The following ZNF248 variants were observed in gnomAD, a reference collection of about 807,000 sequenced individuals.
ZNF248 encodes the protein KRAB protein domain.
ZNF248 carries 20 observed loss-of-function variants against 44.3 expected under a neutral mutation model. The ratio of observed to expected loss-of-function variants is 0.45; its 90% confidence interval spans 0.32 to 0.66. The LOEUF (loss-of-function observed/expected upper bound fraction) is 0.66, where lower values mean the gene tolerates loss of function less well. ZNF248 is among the 30% of genes least tolerant of loss of function. The probability of loss-of-function intolerance (pLI) is 0.04; values close to 1 mark genes in which losing one functional copy is unlikely to be tolerated. For missense variants in ZNF248, 654 were observed against 677.0 expected (o/e 0.97, Z 0.38); for synonymous variants, 224 against 229.0 (o/e 0.98, Z 0.20).
chr10:37,853,125 G>A (rs1208665), intron 3 of ZNF248, among the ~76,000 whole-genome samples: 10,091 of 152,166 alleles, frequency 0.066, 388 homozygotes, highest in Middle Eastern at 0.099. Context: ...ATTTACAGGC[G>A]TGAGCCACCG....
intron 3 of ZNF248, among the ~76,000 whole-genome samples, chr10:37,843,158 T>C (rs1444324957): frequency 6.6e-6 from 1 of 152,118 alleles, no homozygotes; most frequent in Non-Finnish European, 1.5e-5. Context: ...AAAAATAGCA[T>C]ATGGCCGAGC....
At chr10:37,766,625 A>T in the ZNF248 span, among the ~76,000 whole-genome samples, 3 of 152,212 alleles carry the variant, frequency 2.0e-5, no homozygotes, top group Admixed American at 2.0e-4. Flanking sequence ...ACCCTTCTGT[A>T]TGTCACCATC....
At chr10:37,791,476 C>T (rs967421990) in intron 6 of ZNF248, 2 of 152,138 alleles carry the variant, frequency 1.3e-5, no homozygotes, top group African/African-American at 4.8e-5. Flanking sequence ...TTCAGGTATA[C>T]TCTTTTGTAT....
intron 3 of ZNF248, among the ~76,000 whole-genome samples, chr10:37,852,106 G>T (rs751177291): frequency 3.1e-4 from 47 of 152,166 alleles, no homozygotes; most frequent in Admixed American, 8.5e-4. Flanking sequence ...AATTAGCCGG[G>T]CGTGGTGGTG....
intron 5 of ZNF248, among the ~76,000 whole-genome samples, chr10:37,837,214 C>T (rs2057395151): frequency 6.6e-6 from 1 of 152,040 alleles, no homozygotes; most frequent in African/African-American, 2.4e-5. Flanking sequence ...CCCAGGTTCA[C>T]ATGGTTCTCC....
downstream of ZNF248, among the ~76,000 whole-genome samples, chr10:37,771,954 C>G (rs538503053): frequency 6.6e-6 from 1 of 152,060 alleles, no homozygotes; most frequent in Non-Finnish European, 1.5e-5. Flanking sequence ...ACCCCTAAGA[C>G]ATTTTGCAAA....
At chr10:37,780,511 C>T (rs1003060609) in intron 6 of ZNF248, among the ~76,000 whole-genome samples, 1 of 148,764 alleles carries the variant, frequency 6.7e-6, no homozygotes, top group East Asian at 2.1e-4. Context: ...ATACAAAAAT[C>T]AATTCAAGAT....
the ZNF248 span, among the ~76,000 whole-genome samples, chr10:37,766,425 T>C: frequency 1.3e-5 from 2 of 152,088 alleles, no homozygotes; most frequent in African/African-American, 2.4e-5. Flanking sequence ...AGAGGAACGA[T>C]CAGGCAGCAG....
At chr10:37,810,007 G>A (rs1489546082) in intron 6 of ZNF248, among the ~76,000 whole-genome samples, 1 of 152,196 alleles carries the variant, frequency 6.6e-6, no homozygotes, top group Admixed American at 6.5e-5. Context: ...TAGGTATTCT[G>A]TAGTAGTTGT....
chr10:37,806,459 T>C lies in ZNF248; in HGVS notation c.330+26566A>G, dbSNP rs553278338. Among the ~76,000 whole-genome samples the C allele has an allele frequency of 1.2e-4, 19 of 152,232 alleles. No homozygotes were observed. In the South Asian group the frequency reaches 3.9e-3, roughly 32 times the overall value. ...CCATTGAGGATTAGGTGGTATCTCA[T>C]TGTGGTTTTAATTTGCATTTCCTTA... On this transcript the variant is annotated intron_variant, in intron 6 of 6. Transcript: ENST00000615949.
chr10:37,826,937 C>T (rs1231815293), downstream of ZNF248, among the ~76,000 whole-genome samples: 2 of 152,080 alleles, frequency 1.3e-5, no homozygotes, highest in East Asian at 3.9e-4. Flanking sequence ...TGGAAAAAGG[C>T]CCAGACAGAA....
chr10:37,837,283 T>C (rs2057414439), intron 5 of ZNF248, among the ~76,000 whole-genome samples: 1 of 151,898 alleles, frequency 6.6e-6, no homozygotes, highest in South Asian at 2.1e-4. Context: ...CCAGCTAATT[T>C]TTCATATTTT....
At chr10:37,778,013 T>C (rs1408285248) in intron 6 of ZNF248, among the ~76,000 whole-genome samples, 1 of 152,100 alleles carries the variant, frequency 6.6e-6, no homozygotes, top group Admixed American at 6.5e-5. Flanking sequence ...CATGTGTCTT[T>C]ATAGCAGCAT....
chr10:37,792,725 T>G (rs148889426), intron 6 of ZNF248, among the ~76,000 whole-genome samples: 36 of 152,238 alleles, frequency 2.4e-4, no homozygotes, highest in African/African-American at 8.2e-4. Context: ...AAGAAAACAT[T>G]AGGCAGTCAC....
In ZNF248 at chr10:37,838,028, G is replaced by A. The variant is rs534319405; in HGVS notation, c.99C>T (p.Tyr33=). The A allele has an allele frequency of 6.2e-7, 1 of 1,613,858 alleles. No individual in the cohort carries two copies. The highest frequency in any genetic ancestry group is 1.7e-5 in the Admixed American group (1 of 60,006). Residue 33 remains tyrosine, a synonymous_variant, in exon 4 of 6, where the codon TAC becomes TAT. Coordinates refer to ENST00000395867, the MANE Select transcript of ZNF248 (RefSeq NM_021045.3). ...YLLDPAQKIL[Y]RDVILENYSN... is the part of the protein sequence containing the mutation. ...TATAATTTTCCAGGATCACATCTCT[G>A]TATAGAATCTTCTGAGCAGGGTCCA...
chr10:37,788,272 A>AG (rs966856548), intron 6 of ZNF248, among the ~76,000 whole-genome samples: 2 of 150,542 alleles, frequency 1.3e-5, no homozygotes, highest in African/African-American at 4.9e-5. Context: ...TAAAAAAAAA[A>AG]AAAAAAAAAG....
chr10:37,806,241 T>TC lies in ZNF248; in HGVS notation c.330+26783dup, dbSNP rs531036098. Among the ~76,000 whole-genome samples, 114 of 152,352 alleles carry TC rather than the reference T, an allele frequency of 7.5e-4. 5 individuals carry two copies. In the South Asian group the frequency reaches 0.023, roughly 31 times the overall value. On this transcript the variant is annotated intron_variant, in intron 6 of 6. Transcript: ENST00000615949. ...TATACTCAGAAGTGGAATTGCTGGA[T>TC]CATATAGTAATTCTAATTTTATGAG...
At chr10:37,763,731 C>A in the ZNF248 span, among the ~76,000 whole-genome samples, 1 of 152,190 alleles carries the variant, frequency 6.6e-6, no homozygotes, top group South Asian at 2.1e-4. Flanking sequence ...GAGGGACCGG[C>A]TGAAGCCATG....
At chr10:37,764,298 G>A in the ZNF248 span, among the ~76,000 whole-genome samples, 11 of 152,274 alleles carry the variant, frequency 7.2e-5, no homozygotes, top group Admixed American at 1.3e-4. Flanking sequence ...CTATTAGGAC[G>A]AGCAAATTCC....
Sources: gnomAD v4.1 joint callset for allele counts (sites outside exome capture counted in the v4.1 genomes callset) on GRCh38, gnomAD v4.1.1 for gene constraint, MANE v1.5 for transcripts, NCBI Gene and HGNC (gene_info 2026-07-23, HGNC 2026-07-21) for gene names.